SLC28A3: variants seen among roughly 807,000 people sequenced by gnomAD.
SLC28A3 encodes the protein concentrative Na(+)-nucleoside cotransporter 3.
Under a neutral mutation model 84.2 loss-of-function variants are expected in SLC28A3, and 68 were observed. The observed-to-expected ratio is 0.81, with a 90% CI of 0.66 to 0.99. SLC28A3 has a LOEUF of 0.99. Ranked by LOEUF, SLC28A3 falls within the 50% of genes least tolerant of loss-of-function variation. The pLI, the probability that SLC28A3 is intolerant of heterozygous loss-of-function variation, is 0.00. For synonymous variants in SLC28A3, 267 were observed against 303.6 expected (o/e 0.88, Z 1.25); for missense variants, 712 against 841.5 (o/e 0.85, Z 1.90).
upstream of SLC28A3, among the ~76,000 whole-genome samples, chr9:84,341,411 G>A (rs1333504205): frequency 2.0e-5 from 3 of 152,126 alleles, no homozygotes; most frequent in East Asian, 3.9e-4. Context: ...ATCACCTACT[G>A]TATACCAGGG....
At chr9:84,358,682 A>G in the SLC28A3 span, among the ~76,000 whole-genome samples, 2 of 152,244 alleles carry the variant, frequency 1.3e-5, no homozygotes, top group Non-Finnish European at 2.9e-5. Flanking sequence ...AGCACTATGC[A>G]GAAAACTATA....
chr9:84,322,399 C>T (rs1194184671), intron 1 of SLC28A3, among the ~76,000 whole-genome samples: 2 of 152,204 alleles, frequency 1.3e-5, no homozygotes, highest in Non-Finnish European at 2.9e-5. Flanking sequence ...GGTATCACAA[C>T]GTGGGATCTT....
At chr9:84,297,495 CCTGACATTT>C (rs1367277846) in intron 7 of SLC28A3, among the ~76,000 whole-genome samples, 197 bp from the exon 8 acceptor site, 3 of 152,192 alleles carry the variant, frequency 2.0e-5, no homozygotes, top group Non-Finnish European at 2.9e-5. Context: ...ATACAAATTT[CCTGACATTT>C]CTGACATTCA....
intron 1 of SLC28A3, among the ~76,000 whole-genome samples, chr9:84,325,608 A>G (rs968234985): frequency 3.3e-5 from 5 of 152,244 alleles, no homozygotes; most frequent in African/African-American, 1.2e-4. Flanking sequence ...CACAATGTCA[A>G]TAAATTTTTG....
the SLC28A3 span, among the ~76,000 whole-genome samples, chr9:84,347,039 G>C: frequency 6.6e-6 from 1 of 151,910 alleles, no homozygotes; most frequent in Non-Finnish European, 1.5e-5. Flanking sequence ...AGCCGGACGT[G>C]GTAGTGGGCA....
chr9:84,364,248 C>CTATA, the SLC28A3 span, among the ~76,000 whole-genome samples: 36 of 151,986 alleles, frequency 2.4e-4, no homozygotes, highest in African/African-American at 8.4e-4. Flanking sequence ...CCTCAGCCTC[C>CTATA]CGAGTGGCTT....
intron 15 of SLC28A3, 80 bp from the exon 16 acceptor site, chr9:84,280,153 G>GCCCA: frequency 2.2e-6 from 3 of 1,387,780 alleles, no homozygotes; most frequent in Non-Finnish European, 3.0e-6. Flanking sequence ...ATTGTTCTGA[G>GCCCA]GCTGGGCTCA....
rs550341599 is a variant in SLC28A3 at position 84,323,884 on chromosome 9, G to A, written c.61-10430C>T. ...CTCTCCCATGTCCTCCTTAATGAGA[G>A]GCCACTGATCTCTCGCCAAGGTCTA... On this transcript the variant is annotated intron_variant, in intron 1 of 17. Transcript: ENST00000376238. Among the ~76,000 whole-genome samples, 4 of 152,140 alleles carry A rather than the reference G, an allele frequency of 2.6e-5. No individual in the cohort carries two copies. The East Asian group carries it at 7.7e-4, about 29-fold the overall frequency.
intron 14 of SLC28A3, among the ~76,000 whole-genome samples, chr9:84,283,468 CTGAGACACATT>C (rs1824848152): frequency 6.6e-6 from 1 of 152,198 alleles, no homozygotes. Context: ...GGAAAGGTAC[CTGAGACACATT>C]ATTAAGTGCA....
intron 1 of SLC28A3, among the ~76,000 whole-genome samples, chr9:84,313,695 G>T (rs1826067965): frequency 6.6e-6 from 1 of 151,780 alleles, no homozygotes. Flanking sequence ...TGGGAGGGGA[G>T]ACCAGCCTGG....
chr9:84,340,133 C>T (rs193066155), intron 1 of SLC28A3, among the ~76,000 whole-genome samples: 324 of 152,272 alleles, frequency 2.1e-3, no homozygotes, highest in African/African-American at 7.2e-3. Flanking sequence ...GACTGATTTG[C>T]GTAATCCAGC....
chr9:84,292,408 CA>C (rs1295263358), intron 10 of SLC28A3, among the ~76,000 whole-genome samples: 1 of 152,136 alleles, frequency 6.6e-6, no homozygotes, highest in Non-Finnish European at 1.5e-5. Flanking sequence ...CCCAATTCTA[CA>C]TACCATACCC....
chr9:84,284,890 C>T (rs1218107588), intron 14 of SLC28A3, among the ~76,000 whole-genome samples: 2 of 152,196 alleles, frequency 1.3e-5, no homozygotes, highest in Non-Finnish European at 2.9e-5. Flanking sequence ...TGGACAGTTT[C>T]TCAGAGCTCA....
At chr9:84,310,009 C>T (rs1296055846) in intron 2 of SLC28A3, among the ~76,000 whole-genome samples, 1 of 152,130 alleles carries the variant, frequency 6.6e-6, no homozygotes, top group East Asian at 1.9e-4. Context: ...TCCTGTCTCT[C>T]TTGTAATCAA....
At chr9:84,345,937 A>T in the SLC28A3 span, among the ~76,000 whole-genome samples, 1 of 152,210 alleles carries the variant, frequency 6.6e-6, no homozygotes, top group African/African-American at 2.4e-5. Flanking sequence ...CAATTAGGAA[A>T]TAGAAATTGT....
At chr9:84,317,484 G>C (rs1479279344) in intron 1 of SLC28A3, among the ~76,000 whole-genome samples, 1 of 152,160 alleles carries the variant, frequency 6.6e-6, no homozygotes, top group Non-Finnish European at 1.5e-5. Flanking sequence ...TCCTGCCTCT[G>C]TGGACATGTC....
chr9:84,340,139 C>T (rs534055445), intron 1 of SLC28A3, among the ~76,000 whole-genome samples: 75 of 152,294 alleles, frequency 4.9e-4, no homozygotes, highest in Middle Eastern at 6.8e-3. Context: ...TTTGCGTAAT[C>T]CAGCTGCTCT....
chr9:84,308,625 G>C (rs1173060283), intron 3 of SLC28A3, among the ~76,000 whole-genome samples: 2 of 152,070 alleles, frequency 1.3e-5, no homozygotes, highest in African/African-American at 4.8e-5. Flanking sequence ...GTAAGCCCCT[G>C]CCTCTAAAAA....
intron 2 of SLC28A3, chr9:84,310,681 GTTC>G (rs1285422592): frequency 9.0e-6 from 7 of 780,952 alleles, no homozygotes; most frequent in Non-Finnish European, 1.1e-5. Flanking sequence ...AAACTCCATT[GTTC>G]TTCTGATTCA....
Sources: gnomAD v4.1 joint callset for allele counts (sites outside exome capture counted in the v4.1 genomes callset) on GRCh38, gnomAD v4.1.1 for gene constraint, MANE v1.5 for transcripts, NCBI Gene and HGNC (gene_info 2026-07-23, HGNC 2026-07-21) for gene names.